TRERF1: variants seen among roughly 807,000 people sequenced by gnomAD.
The protein encoded by TRERF1 is transcriptional regulating factor 1, also known as transcriptional-regulating factor 1.
TRERF1 carries 27 observed loss-of-function variants against 122.9 expected under a neutral mutation model. The ratio of observed to expected loss-of-function variants is 0.22; its 90% CI spans 0.16 to 0.30. TRERF1 has a LOEUF of 0.30. Among genes scored for constraint, TRERF1 ranks in the 10% least tolerant of loss-of-function variants. TRERF1 has a pLI of 1.00. For synonymous variants in TRERF1, 636 were observed against 641.7 expected (o/e 0.99, Z 0.13); for missense variants, 1,248 against 1,560.3 (o/e 0.80, Z 3.37).
exon 15 of TRERF1, chr6:42,243,332 C>T (rs762018069): frequency 2.5e-6 from 4 of 1,614,188 alleles, no homozygotes; most frequent in Admixed American, 3.3e-5. Flanking sequence ...AGTAGTACTC[C>T]ACGCACTGAG....
intron 2 of TRERF1, among the ~76,000 whole-genome samples, chr6:42,372,899 A>T (rs1774032301): frequency 6.6e-6 from 1 of 152,136 alleles, no homozygotes; most frequent in Non-Finnish European, 1.5e-5. Flanking sequence ...AAAGGGTAAG[A>T]GTGTGTGTTC....
At chr6:42,253,267 G>C (rs751005171) in intron 13 of TRERF1, among the ~76,000 whole-genome samples, 12 of 152,166 alleles carry the variant, frequency 7.9e-5, no homozygotes, top group Non-Finnish European at 1.3e-4. Context: ...CTCACAGCTA[G>C]AGCTAACCAG....
At chr6:42,379,080 A>G (rs1264862807) in intron 2 of TRERF1, among the ~76,000 whole-genome samples, 3 of 152,112 alleles carry the variant, frequency 2.0e-5, no homozygotes, top group African/African-American at 7.2e-5. Context: ...TGATGGCACC[A>G]CTGCACTCCA....
chr6:42,360,770 T>TAAAAAAAAAAAAAAAAAAAAAA (rs1491517636), intron 3 of TRERF1, among the ~76,000 whole-genome samples: 2 of 64,046 alleles, frequency 3.1e-5, no homozygotes, highest in African/African-American at 9.3e-5. Flanking sequence ...AGTGGAGAGA[T>TAAAAAAAAAAAAAAAAAAAAAA]TAAAAAAAAA....
rs548510284 is a variant in TRERF1 at position 42,330,975 on chromosome 6, G to A, written c.-370-30226C>T. ...ATTACAGGTGTGAGCCACTGCACCC[G>A]ACCAGATGTTTTTTTTAACGGGGAA... On this transcript the variant is annotated intron_variant, in intron 3 of 17. Transcript: ENST00000372922. Among the ~76,000 whole-genome samples, 4 of 152,234 alleles carry A rather than the reference G, an allele frequency of 2.6e-5. No homozygotes were observed. In the East Asian group the frequency reaches 7.7e-4, roughly 29 times the overall value.
intron 3 of TRERF1, among the ~76,000 whole-genome samples, chr6:42,313,409 T>C (rs992215472): frequency 2.0e-5 from 3 of 152,136 alleles, no homozygotes; most frequent in African/African-American, 4.8e-5. Context: ...AGGAACTCAA[T>C]TGCTAAGCCT....
At chr6:42,254,694 C>G (rs1052821988) in intron 13 of TRERF1, among the ~76,000 whole-genome samples, 157 bp downstream of exon 13, 5 of 152,144 alleles carry the variant, frequency 3.3e-5, no homozygotes, top group African/African-American at 1.2e-4. Flanking sequence ...CCAACAGAGC[C>G]AAAGCAACAG....
chr6:42,302,767 C>T (rs1038678109), intron 3 of TRERF1, among the ~76,000 whole-genome samples: 9 of 152,210 alleles, frequency 5.9e-5, no homozygotes, highest in African/African-American at 2.2e-4. Context: ...AGGAGCTAAG[C>T]ATGGCACGGG....
At chr6:42,338,312 CT>C (rs1766599365) in intron 3 of TRERF1, among the ~76,000 whole-genome samples, 1 of 150,244 alleles carries the variant, frequency 6.7e-6, no homozygotes, top group East Asian at 2.3e-4. Flanking sequence ...GGCAACCGGT[CT>C]TCTGAACAAG....
Position 42,232,746 on chromosome 6 carries a change from G to A in TRERF1, c.3213C>T (p.Pro1071=), listed in dbSNP as rs566394826. 8.7e-5 allele frequency: 140 copies of A among 1,610,718 alleles called. No individual in the cohort carries two copies. Among genetic ancestry groups the A allele is most frequent in the Non-Finnish European group, 1.2e-4 (136 of 1,177,156 alleles). ...TCTCGCCGCTGGTGGTGCTGTGAGA[G>A]GGTGAGCTCTTTACCGAACAGTACC... The change falls in exon 17 of 18, where the codon CCC becomes CCT. Residue 1071 remains proline, a synonymous_variant. Transcript: ENST00000372922. This position sits in a 1 kb window ranked among gnomAD's most constrained non-coding sequence, Gnocchi z 4.5.
intron 3 of TRERF1, among the ~76,000 whole-genome samples, chr6:42,330,265 A>AAAAGAATTT (rs1765025841): frequency 6.6e-6 from 1 of 152,208 alleles, no homozygotes; most frequent in Non-Finnish European, 1.5e-5. Context: ...GTCAAATTGG[A>AAAAGAATTT]AAAGAATTTA....
At chr6:42,330,312 A>G (rs1765034124) in intron 3 of TRERF1, among the ~76,000 whole-genome samples, 1 of 152,216 alleles carries the variant, frequency 6.6e-6, no homozygotes, top group Non-Finnish European at 1.5e-5. Flanking sequence ...TGTGGAGGAA[A>G]CATGTATGCC....
At chr6:42,336,068 A>C (rs752063351) in intron 3 of TRERF1, among the ~76,000 whole-genome samples, 1 of 152,182 alleles carries the variant, frequency 6.6e-6, no homozygotes, top group Non-Finnish European at 1.5e-5. Context: ...GTGAGTTTAA[A>C]TTTAAATAGC....
In TRERF1 at chr6:42,446,173, C is replaced by T. The variant is rs556241600; in HGVS notation, c.-454+5004G>A. On this transcript the variant is annotated intron_variant, in intron 2 of 17. Coordinates refer to ENST00000372922, the Ensembl canonical transcript of TRERF1. ...AGGCTATCCACCCGCTTCGGCCTCC[C>T]GAAGTGCTAGGATTACAGGTGTGAG... is the stretch of plus-strand genomic sequence containing the variant. Among the ~76,000 whole-genome samples the T allele has an allele frequency of 5.3e-5, 8 of 152,360 alleles. No homozygotes were observed. The South Asian group carries it at 6.2e-4, about 12-fold the overall frequency.
intron 2 of TRERF1, among the ~76,000 whole-genome samples, chr6:42,373,093 T>C (rs78070164): frequency 0.034 from 5,128 of 152,332 alleles, 135 homozygotes; most frequent in Non-Finnish European, 0.057. Flanking sequence ...TAAAATGCTG[T>C]CAATAAATAT....
intron 2 of TRERF1, among the ~76,000 whole-genome samples, chr6:42,385,484 C>A (rs1776638662): frequency 6.6e-6 from 1 of 152,152 alleles, no homozygotes; most frequent in South Asian, 2.1e-4. Context: ...TTAGAAGGTG[C>A]ACTATAATAA....
At chr6:42,282,188 A>C (rs1357729041) in intron 4 of TRERF1, among the ~76,000 whole-genome samples, 1 of 152,222 alleles carries the variant, frequency 6.6e-6, no homozygotes, top group Non-Finnish European at 1.5e-5. Context: ...CAAATGCCTA[A>C]CCATAAGGGA....
intron 3 of TRERF1, among the ~76,000 whole-genome samples, chr6:42,301,906 AAGTT>A (rs1332425656): frequency 1.3e-5 from 2 of 152,334 alleles, no homozygotes; most frequent in Non-Finnish European, 1.5e-5. Flanking sequence ...GGACTATAAA[AAGTT>A]AGTTCAGAGA....
At chr6:42,226,994 GTCAGTCTGAC>G (rs1769640833) in exon 18 of TRERF1, 1 of 152,260 alleles carries the variant, frequency 6.6e-6, no homozygotes, top group South Asian at 2.1e-4. Context: ...GGTGGGATGG[GTCAGTCTGAC>G]TCAGCTCAGA....
Sources: gnomAD v4.1 joint callset for allele counts (sites outside exome capture counted in the v4.1 genomes callset) on GRCh38, gnomAD v4.1.1 for gene constraint, Gnocchi (gnomAD v3.1) non-coding constraint, MANE v1.5 for transcripts, NCBI Gene and HGNC (gene_info 2026-07-23, HGNC 2026-07-21) for gene names.